MFHAS1: variants seen among roughly 807,000 people sequenced by gnomAD.
The protein encoded by MFHAS1 is malignant fibrous histiocytoma-amplified sequence 1.
Under a neutral mutation model 70.4 loss-of-function variants are expected in MFHAS1, and 50 were observed. The ratio of observed to expected loss-of-function variants is 0.71; its 90% CI spans 0.57 to 0.90. MFHAS1 has a LOEUF of 0.90. Among genes scored for constraint, MFHAS1 ranks in the 40% least tolerant of loss-of-function variants. The probability of loss-of-function intolerance (pLI) is 0.00; values close to 1 mark genes in which losing one functional copy is unlikely to be tolerated. For synonymous variants in MFHAS1, 952 were observed against 620.0 expected (o/e 1.54, Z -7.96); for missense variants, 1,795 against 1,347.6 (o/e 1.33, Z -5.20).
chr8:8,881,206 T>C (rs1809510087), intron 1 of MFHAS1, among the ~76,000 whole-genome samples: 2 of 152,220 alleles, frequency 1.3e-5, no homozygotes, highest in Admixed American at 1.3e-4. Context: ...AGCCCCAGTA[T>C]TTTCAGCTAA....
Position 8,891,722 on chromosome 8 carries a change from C to G in MFHAS1, c.1337G>C (p.Cys446Ser), listed in dbSNP as rs146286290. 6.8e-6 allele frequency: 11 copies of G among 1,613,280 alleles called. No homozygotes were observed. The highest frequency in any genetic ancestry group is 9.3e-6 in the Non-Finnish European group (11 of 1,180,028). Residue 446 changes from cysteine to serine, a missense_variant, in exon 1 of 3, where the codon TGC becomes TCC. Coordinates refer to ENST00000276282, the MANE Select transcript of MFHAS1 (RefSeq NM_004225.3). This position sits in a 1 kb window ranked among gnomAD's most constrained non-coding sequence, Gnocchi z 5.4. Reference protein sequence around the residue: ...GCPGGGDKEKCYPPSPPPVSK... With the variant: ...GCPGGGDKEKSYPPSPPPVSK... The stretch of plus-strand genomic sequence containing the variant: ...CACAGGGGGAGGTGACGGTGGGTAG[C>G]ACTTCTCCTTGTCCCCTCCTCCTGG...
At chr8:8,829,118 A>G (rs139116079) in intron 1 of MFHAS1, among the ~76,000 whole-genome samples, 25 of 152,220 alleles carry the variant, frequency 1.6e-4, no homozygotes, top group African/African-American at 5.8e-4. Context: ...ACTTTAACAT[A>G]AGGAAATCAA....
intron 1 of MFHAS1, among the ~76,000 whole-genome samples, chr8:8,888,650 T>C (rs1447758240): frequency 1.3e-5 from 2 of 151,936 alleles, no homozygotes; most frequent in Admixed American, 6.6e-5. Flanking sequence ...CCCATATAAG[T>C]AAAACGCAAA....
chr8:8,849,807 G>C (rs914532196), intron 1 of MFHAS1, among the ~76,000 whole-genome samples: 1 of 152,208 alleles, frequency 6.6e-6, no homozygotes, highest in African/African-American at 2.4e-5. Flanking sequence ...CTCTCAGAGG[G>C]AACCAAATCC....
chr8:8,890,013 CA>C, intron 1 of MFHAS1, 47 bp downstream of exon 1: 1 of 1,435,054 alleles, frequency 7.0e-7, no homozygotes, highest in Non-Finnish European at 9.5e-7. Flanking sequence ...TCTCCAAAAA[CA>C]TATCTTACAG....
intron 1 of MFHAS1, among the ~76,000 whole-genome samples, chr8:8,888,961 A>C (rs1177116642): frequency 6.6e-6 from 1 of 151,530 alleles, no homozygotes. Context: ...GATATATGGG[A>C]AATCTCTGTA....
At chr8:8,883,241 G>T (rs1809599016) in intron 1 of MFHAS1, among the ~76,000 whole-genome samples, 1 of 152,184 alleles carries the variant, frequency 6.6e-6, no homozygotes, top group Admixed American at 6.5e-5. Flanking sequence ...ACAAAGACTG[G>T]AAACACAAAG....
Position 8,785,464 on chromosome 8 carries a change from C to A in MFHAS1, c.*558G>T, listed in dbSNP as rs1805507179. The A allele has an allele frequency of 6.6e-6, 1 of 152,418 alleles. No homozygotes were observed. The highest frequency in any genetic ancestry group is 2.4e-5 in the African/African-American group (1 of 41,362). 9.4% of individuals were successfully genotyped at this position (152,418 alleles called of 1,614,324 possible). A position where few individuals can be genotyped will look rare whatever the true frequency, so the allele number is the denominator to read the frequency against. On this transcript the variant is annotated 3_prime_UTR_variant, in exon 3 of 3. Coordinates refer to ENST00000276282, the MANE Select transcript of MFHAS1 (RefSeq NM_004225.3). The stretch of plus-strand genomic sequence containing the variant: ...CTTATACTAAAATAAGAAATCAGCC[C>A]CATCTTGGCACAGTTCTCATGCAGA...
At chr8:8,848,440 C>T (rs1808113725) in intron 1 of MFHAS1, among the ~76,000 whole-genome samples, 1 of 151,614 alleles carries the variant, frequency 6.6e-6, no homozygotes, top group African/African-American at 2.4e-5. Context: ...ACTTCATTTT[C>T]CTCTCCACTG....
intron 1 of MFHAS1, among the ~76,000 whole-genome samples, chr8:8,817,023 C>T (rs1366113702): frequency 6.6e-6 from 1 of 152,134 alleles, no homozygotes; most frequent in Non-Finnish European, 1.5e-5. Context: ...TTAGTTCATC[C>T]AACACTATCC....
Position 8,890,592 on chromosome 8 carries a change from GCTCCAGCAA to G in MFHAS1, c.2458_2466del (p.Leu823_Glu825del), listed in dbSNP as rs1809960827. 1 of 1,613,696 alleles carries G rather than the reference GCTCCAGCAA, an allele frequency of 6.2e-7. No individual in the cohort carries two copies. The highest frequency in any genetic ancestry group is 1.1e-5 in the South Asian group (1 of 91,092). ...TAACAGAGTCCCATCTTCTCCAGCA[GCTCCAGCAA>G]CAGCTGCAAGTCCTGCTGGGCCTGG... On this transcript the variant is annotated inframe_deletion, in exon 1 of 3. Coordinates refer to ENST00000276282, the MANE Select transcript of MFHAS1 (RefSeq NM_004225.3).
chr8:8,844,160 C>T (rs1053995597), intron 1 of MFHAS1, among the ~76,000 whole-genome samples: 12 of 152,210 alleles, frequency 7.9e-5, no homozygotes, highest in African/African-American at 2.7e-4. Context: ...GAACTGTGGG[C>T]AGTTTCTCAG....
At chr8:8,793,403 G>C (rs930194146) in intron 2 of MFHAS1, among the ~76,000 whole-genome samples, 2 of 152,200 alleles carry the variant, frequency 1.3e-5, no homozygotes, top group Non-Finnish European at 2.9e-5. Context: ...ACCAATAAAG[G>C]AGAGGGCTAA....
intron 1 of MFHAS1, among the ~76,000 whole-genome samples, chr8:8,855,253 G>A (rs569115757): frequency 4.1e-4 from 62 of 152,284 alleles, no homozygotes; most frequent in Admixed American, 7.8e-4. Flanking sequence ...ACACTCAGCC[G>A]ACATCCTGTA....
intron 1 of MFHAS1, among the ~76,000 whole-genome samples, chr8:8,842,086 C>G (rs1254486180): frequency 6.6e-6 from 1 of 152,204 alleles, no homozygotes; most frequent in Non-Finnish European, 1.5e-5. Context: ...ATCTTAGTAA[C>G]CGGACAGCCT....
intron 1 of MFHAS1, among the ~76,000 whole-genome samples, chr8:8,849,064 C>CT (rs145250762): frequency 0.1 from 7,562 of 75,742 alleles, 1,397 homozygotes; most frequent in Non-Finnish European, 0.15. Flanking sequence ...TCCTTTTTAC[C>CT]TTTTTTTTTT....
intron 2 of MFHAS1, among the ~76,000 whole-genome samples, chr8:8,792,144 G>A (rs896527471): frequency 6.6e-6 from 1 of 152,134 alleles, no homozygotes; most frequent in Non-Finnish European, 1.5e-5. Flanking sequence ...AGGGATAACA[G>A]GAGAATCATT....
In MFHAS1 at chr8:8,892,506, T is replaced by C. The variant is rs1810105616; in HGVS notation, c.553A>G (p.Thr185Ala). ...AGCTGGTTGTGATCCACGTCCAGGG[T>C]GCGCAGGCGGGAGAGGCAGGAGAGG... ...DSLSCLSRLR[T>A]LDVDHNQLTA... The change falls in exon 1 of 3, where the codon ACC (threonine) becomes GCC (alanine). Residue 185 changes from threonine (T) to alanine (A), a missense_variant. Transcript: ENST00000276282. The surrounding 1 kb of genome is among the most constrained non-coding windows in gnomAD (Gnocchi z 4.7). 2 of 1,603,016 alleles carry C rather than the reference T, an allele frequency of 1.2e-6. No homozygotes were observed. The highest frequency in any genetic ancestry group is 1.7e-6 in the Non-Finnish European group (2 of 1,175,034).
At chr8:8,836,062 A>G (rs1275447897) in intron 1 of MFHAS1, among the ~76,000 whole-genome samples, 5 of 152,232 alleles carry the variant, frequency 3.3e-5, no homozygotes, top group Non-Finnish European at 7.3e-5. Flanking sequence ...CCAATCTATA[A>G]TATATCTGTT....
Sources: allele counts gnomAD v4.1 joint callset (sites outside exome capture counted in the v4.1 genomes callset), GRCh38; gene constraint gnomAD v4.1.1; non-coding constraint Gnocchi (gnomAD v3.1); transcripts MANE v1.5; gene names NCBI Gene and HGNC (gene_info 2026-07-23, HGNC 2026-07-21).